NR1H3: variants seen among roughly 807,000 people sequenced by gnomAD.
The protein encoded by NR1H3 is nuclear receptor subfamily 1 group H member 3.
NR1H3 carries 19 observed loss-of-function variants against 48.1 expected under a neutral mutation model. That is an observed-to-expected ratio of 0.40 (90% confidence interval 0.28 to 0.58). NR1H3 has a LOEUF of 0.58. NR1H3 is among the 20% of genes least tolerant of loss of function. The pLI is 0.50. For synonymous variants in NR1H3, 232 were observed against 227.3 expected (o/e 1.02, Z -0.19); for missense variants, 486 against 595.9 (o/e 0.82, Z 1.92).
Position 47,259,963 on chromosome 11 carries a change from C to A in NR1H3, c.216C>A (p.Pro72=). 6.5e-7 allele frequency: 1 copy of A among 1,536,628 alleles called. No individual in the cohort carries two copies. Among genetic ancestry groups the A allele is most frequent in the South Asian group, 1.3e-5 (1 of 78,732 alleles). ...EPTALLTRAE[P]PSEPTEIRPQ... is the part of the protein sequence containing the mutation. ...CAGCCCTGCTCACCAGGGCAGAGCC[C>A]CCTTCAGAACCCACAGGTGAGGAGC... Residue 72 remains proline (P), a synonymous_variant, in exon 3 of 10, where the codon CCC becomes CCA. Transcript: ENST00000441012.
In NR1H3 at chr11:47,260,771, G is replaced by C. The variant is rs1011211613; in HGVS notation, c.499+96G>C. 2.8e-6 allele frequency: 4 copies of C among 1,417,904 alleles called. No individual in the cohort carries two copies. In the African/African-American group the frequency reaches 5.7e-5, roughly 20 times the overall value. 87.8% of individuals were successfully genotyped at this position (1,417,904 alleles called of 1,614,324 possible). A position where few individuals can be genotyped will look rare whatever the true frequency, so the allele number is the denominator to read the frequency against. ...GTGCCTGAACTTGCAGGGGCTAACT[G>C]ATCCCTAAGTATGGATCCCAGTATC... On this transcript the variant is annotated intron_variant, in intron 4 of 9. Coordinates refer to ENST00000441012, the MANE Select transcript of NR1H3 (RefSeq NM_005693.4).
chr11:47,259,644 A>G, intron 2 of NR1H3, 147 bp from the exon 3 acceptor site: 1 of 1,487,300 alleles, frequency 6.7e-7, no homozygotes, highest in South Asian at 1.4e-5. Context: ...GCTAGAGCCC[A>G]CACAGACTCT....
chr11:47,257,695 C>T, upstream of NR1H3: 1 of 985,554 alleles, frequency 1.0e-6, no homozygotes, highest in Non-Finnish European at 1.2e-6. Context: ...GTGGGGGTTC[C>T]TGGGAGGCAG....
chr11:47,254,580 T>G (rs1194297474), upstream of NR1H3, among the ~76,000 whole-genome samples: 1 of 151,990 alleles, frequency 6.6e-6, no homozygotes, highest in Non-Finnish European at 1.5e-5. Context: ...GGTGGGGGCC[T>G]TGGGAGGGGA....
chr11:47,265,105 C>T (rs989899936), intron 7 of NR1H3, among the ~76,000 whole-genome samples: 7 of 152,050 alleles, frequency 4.6e-5, no homozygotes, highest in African/African-American at 1.7e-4. Flanking sequence ...ACCAGCCTGG[C>T]CCATATGGCA....
In NR1H3 at chr11:47,259,861, C is replaced by T. The variant is rs1377214387; in HGVS notation, c.114C>T (p.Cys38=). Residue 38 remains cysteine, a synonymous_variant, in exon 3 of 10, where the codon TGC becomes TGT. Coordinates refer to ENST00000441012, the MANE Select transcript of NR1H3 (RefSeq NM_005693.4). ...ASSQAQGGSS[C]ILREEARMPH... ...GCCAGGCCCAGGGAGGCAGCAGCTG[C>T]ATCCTCAGAGAGGAAGCCAGGATGC... 2.5e-6 allele frequency: 4 copies of T among 1,612,860 alleles called. No homozygotes were observed. Among genetic ancestry groups the T allele is most frequent in the Non-Finnish European group, 3.4e-6 (4 of 1,179,988 alleles).
Position 47,259,255 on chromosome 11 carries a change from T to C in NR1H3, c.39T>C (p.Pro13=), listed in dbSNP as rs1955554374. The C allele has an allele frequency of 1.2e-6, 2 of 1,614,154 alleles. No individual in the cohort carries two copies. The highest frequency in any genetic ancestry group is 1.7e-6 in the Non-Finnish European group (2 of 1,180,018). ...TGGGGGCCCCTGTGCCTGACATTCC[T>C]CCTGGTAAGCTTCATTCCATCCCTC... ...LWLGAPVPDI[P]PDSAVELWKP... Residue 13 remains proline (P), a synonymous_variant, in exon 2 of 10, where the codon CCT becomes CCC. Transcript: ENST00000441012.
intron 7 of NR1H3, among the ~76,000 whole-genome samples, chr11:47,264,055 T>G (rs1956210210): frequency 6.6e-6 from 1 of 152,234 alleles, no homozygotes; most frequent in Admixed American, 6.5e-5. Context: ...TCTGCGGCTC[T>G]CTATCTGATG....
At chr11:47,261,108 A>G (rs1955802312) in intron 4 of NR1H3, 133 bp from the exon 5 acceptor site, 3 of 665,430 alleles carry the variant, frequency 4.5e-6, no homozygotes, top group Non-Finnish European at 7.8e-6. Context: ...TCTTGCCTTT[A>G]CCCAGTGCTG....
intron 1 of NR1H3, among the ~76,000 whole-genome samples, chr11:47,251,418 C>T (rs1954642892): frequency 6.6e-6 from 1 of 152,038 alleles, no homozygotes; most frequent in Admixed American, 6.5e-5. Flanking sequence ...TCAAGACCAG[C>T]CTGGCCACCA....
At chr11:47,259,298 G>T (rs765584600) in intron 2 of NR1H3, 39 bp downstream of exon 2, 2 of 1,613,662 alleles carry the variant, frequency 1.2e-6, no homozygotes, top group South Asian at 2.2e-5. Flanking sequence ...AGCCCAGACC[G>T]CAGGCTCCAC....
chr11:47,267,806 G>T, intron 7 of NR1H3, 107 bp from the exon 8 acceptor site: 1 of 790,644 alleles, frequency 1.3e-6, no homozygotes, highest in South Asian at 1.5e-5. Flanking sequence ...ACTGTGCCCG[G>T]CCTCAGTAAA....
chr11:47,249,026 G>A (rs1047609287), intron 1 of NR1H3: 4 of 1,466,988 alleles, frequency 2.7e-6, no homozygotes, highest in Non-Finnish European at 3.6e-6. Context: ...CGGCAGACAG[G>A]GCTCGAAGAC....
At chr11:47,248,425 G>A, upstream of NR1H3, 1 of 1,536,578 alleles carries the variant, frequency 6.5e-7, no homozygotes, top group East Asian at 2.4e-5. Flanking sequence ...GATAACCAAA[G>A]GCTTCTTTAG....
At position 47,269,006 on chromosome 11, in the gene NR1H3, G is replaced by T; in HGVS notation, c.*310G>T. Reference sequence around the variant, plus strand: ...TCCACCACTTCCTGTTTTTCCCACAGGGCCCCAAGAAAAATTCTCCACTGT... The same window carrying T: ...TCCACCACTTCCTGTTTTTCCCACATGGCCCCAAGAAAAATTCTCCACTGT... On this transcript the variant is annotated 3_prime_UTR_variant, in exon 10 of 10. Transcript: ENST00000441012. 2.8e-6 allele frequency: 1 copy of T among 350,968 alleles called. No individual in the cohort carries two copies. Among genetic ancestry groups the T allele is most frequent in the Non-Finnish European group, 5.3e-6 (1 of 190,078 alleles). The allele number at this position is 350,968 out of a possible 1,614,324, so 21.7% of individuals were successfully genotyped here. A position where few individuals can be genotyped will look rare whatever the true frequency, so the allele number is the denominator to read the frequency against.
rs116074611 is a variant in NR1H3 at position 47,268,556 on chromosome 11, C to T, written c.1204C>T (p.Leu402=). The part of the protein sequence containing the change: ...YVSIHHPHDR[L]MFPRMLMKLV... ...GTCTCTCTCCTTTCCCCAGGACCGA[C>T]TGATGTTCCCACGGATGCTAATGAA... Residue 402 remains leucine (L), a synonymous_variant, in exon 10 of 10, where the codon CTG becomes TTG. Transcript: ENST00000441012. 6.6e-4 allele frequency: 1,072 copies of T among 1,614,234 alleles called. 8 individuals carry two copies. In the African/African-American group the frequency reaches 0.013, roughly 20 times the overall value.
At chr11:47,260,370 TCCTCGGGGGAGA>T in intron 3 of NR1H3, 27 bp from the exon 4 acceptor site, 1 of 1,570,212 alleles carries the variant, frequency 6.4e-7, no homozygotes, top group Admixed American at 1.8e-5. Context: ...ATGATGTTTT[TCCTCGGGGGAGA>T]GCGTTGAAGC....
chr11:47,248,309 T>TGGAG, upstream of NR1H3: 1 of 1,048,436 alleles, frequency 9.5e-7, no homozygotes, highest in Non-Finnish European at 1.4e-6. Context: ...AGATTCTAAC[T>TGGAG]TAGCTAAGCA....
chr11:47,260,831 TCCC>T (rs2135634206), intron 4 of NR1H3, among the ~76,000 whole-genome samples, 156 bp downstream of exon 4: 1 of 152,234 alleles, frequency 6.6e-6, no homozygotes, highest in African/African-American at 2.4e-5. Flanking sequence ...ATGCCTGTAA[TCCC>T]AGCACTTTGG....
Sources: gnomAD v4.1 joint callset for allele counts (sites outside exome capture counted in the v4.1 genomes callset) on GRCh38, gnomAD v4.1.1 for gene constraint, MANE v1.5 for transcripts, NCBI Gene and HGNC (gene_info 2026-07-23, HGNC 2026-07-21) for gene names.